The following TSPAN5 variants were observed in gnomAD, a reference collection of about 807,000 sequenced individuals.
TSPAN5 encodes the protein tetraspanin-5.
Under a neutral mutation model 37.1 loss-of-function variants are expected in TSPAN5, and 10 were observed. The ratio of observed to expected loss-of-function variants is 0.27; its 90% CI spans 0.17 to 0.46. The LOEUF is 0.46. TSPAN5 is among the 20% of genes least tolerant of loss of function. The pLI is 1.00. For synonymous variants in TSPAN5, 110 were observed against 118.9 expected (o/e 0.93, Z 0.48); for missense variants, 195 against 326.6 (o/e 0.60, Z 3.11).
intron 1 of TSPAN5, among the ~76,000 whole-genome samples, chr4:98,627,605 A>T (rs1756637355): frequency 6.6e-6 from 1 of 152,202 alleles, no homozygotes; most frequent in Non-Finnish European, 1.5e-5. Context: ...AGAGTCAGCC[A>T]AATACGGTCA....
chr4:98,475,897 G>A lies in TSPAN5; in HGVS notation c.741+292C>T, dbSNP rs574322597. ...CCCAGCTACTCGGGAGGCTGAGGCA[G>A]GAGAATGGCATGAACCCAAGAGGCG... On this transcript the variant is annotated intron_variant, in intron 7 of 7. Coordinates refer to ENST00000305798, the MANE Select transcript of TSPAN5 (RefSeq NM_005723.4). Among the ~76,000 whole-genome samples the A allele has an allele frequency of 2.6e-5, 4 of 152,120 alleles. No individual in the cohort carries two copies. In the South Asian group the frequency reaches 8.3e-4, roughly 32 times the overall value.
At chr4:98,577,557 A>G (rs1371382211) in intron 1 of TSPAN5, among the ~76,000 whole-genome samples, 1 of 152,198 alleles carries the variant, frequency 6.6e-6, no homozygotes, top group African/African-American at 2.4e-5. Context: ...GGGTCCGTTT[A>G]TTTTGGACCT....
At chr4:98,636,681 A>G (rs1756862622) in intron 1 of TSPAN5, among the ~76,000 whole-genome samples, 1 of 152,222 alleles carries the variant, frequency 6.6e-6, no homozygotes, top group Non-Finnish European at 1.5e-5. Context: ...AAGTCAAGTA[A>G]AACTGCTGGA....
chr4:98,520,596 A>T (rs1753832044), intron 1 of TSPAN5, among the ~76,000 whole-genome samples: 1 of 152,182 alleles, frequency 6.6e-6, no homozygotes, highest in Non-Finnish European at 1.5e-5. Context: ...CTGCAGAGTA[A>T]CTGTGTGTGA....
chr4:98,591,935 A>C (rs1267307557), intron 1 of TSPAN5, among the ~76,000 whole-genome samples: 3 of 151,506 alleles, frequency 2.0e-5, no homozygotes, highest in African/African-American at 7.3e-5. Flanking sequence ...ACAATGTTGA[A>C]GGACTTATAC....
At chr4:98,495,900 A>G (rs1205003277) in intron 2 of TSPAN5, among the ~76,000 whole-genome samples, 1 of 152,166 alleles carries the variant, frequency 6.6e-6, no homozygotes, top group Non-Finnish European at 1.5e-5. Context: ...CTGCTTTTGC[A>G]TATACAAGCA....
chr4:98,614,124 A>C (rs1022586354), intron 1 of TSPAN5, among the ~76,000 whole-genome samples: 9 of 152,186 alleles, frequency 5.9e-5, no homozygotes, highest in African/African-American at 1.9e-4. Flanking sequence ...TCAAAGCACA[A>C]ATGAGTTTTA....
Position 98,658,610 on chromosome 4 carries a change from T to C in TSPAN5, c.-384A>G, listed in dbSNP as rs545217970. ...AGATGCTGGTGGAGACGCCGCTCGCTTGCTCGCCCGCCCGTTCGCGCGCGC... is the reference window on the plus strand; with the variant it reads ...AGATGCTGGTGGAGACGCCGCTCGCCTGCTCGCCCGCCCGTTCGCGCGCGC... On this transcript the variant is annotated 5_prime_UTR_variant, in exon 1 of 8. Transcript: ENST00000305798. The C allele has an allele frequency of 6.6e-6, 1 of 151,894 alleles. No individual in the cohort carries two copies. Among genetic ancestry groups the C allele is most frequent in the South Asian group, 2.1e-4 (1 of 4,846 alleles). 9.4% of individuals were successfully genotyped at this position (151,894 alleles called of 1,614,324 possible). A position where few individuals can be genotyped will look rare whatever the true frequency, so the allele number is the denominator to read the frequency against.
intron 2 of TSPAN5, among the ~76,000 whole-genome samples, chr4:98,497,023 T>C (rs551308201): frequency 2.2e-4 from 34 of 152,094 alleles, no homozygotes; most frequent in South Asian, 2.1e-4. Context: ...ATGGGATTAG[T>C]GTCTTTATAA....
Position 98,486,848 on chromosome 4 carries a change from C to T in TSPAN5, c.169G>A (p.Gly57Ser), listed in dbSNP as rs1342349213. Residue 57 changes from glycine to serine, a missense_variant, in exon 3 of 8, where the codon GGC (glycine) becomes AGC (serine). Transcript: ENST00000305798. ...LSNISSITDL[G>S]GFDPVWLFLV... ...AAGAGCCAAACTGGGTCAAAGCCGCCGAGATCGGTGATGGAAGAGATGTTG... is the reference window on the plus strand; with the variant it reads ...AAGAGCCAAACTGGGTCAAAGCCGCTGAGATCGGTGATGGAAGAGATGTTG... 11 of 1,613,906 alleles carry T rather than the reference C, an allele frequency of 6.8e-6. No individual in the cohort carries two copies. The highest frequency in any genetic ancestry group is 1.3e-5 in the African/African-American group (1 of 74,868).
chr4:98,519,008 C>A (rs1219279332), intron 1 of TSPAN5, among the ~76,000 whole-genome samples: 2 of 152,154 alleles, frequency 1.3e-5, no homozygotes, highest in Non-Finnish European at 2.9e-5. Flanking sequence ...CTTTCCAGCA[C>A]AGTACAAAGA....
intron 1 of TSPAN5, among the ~76,000 whole-genome samples, chr4:98,622,486 C>T (rs1173191726): frequency 2.0e-5 from 3 of 152,186 alleles, no homozygotes; most frequent in Non-Finnish European, 2.9e-5. Flanking sequence ...TGGGGGTCCA[C>T]CAAAACACTT....
intron 1 of TSPAN5, among the ~76,000 whole-genome samples, chr4:98,539,933 C>G (rs1754321222): frequency 6.6e-6 from 1 of 152,156 alleles, no homozygotes; most frequent in African/African-American, 2.4e-5. Flanking sequence ...TGGGCAGCTC[C>G]ATGAGGCGGC....
At chr4:98,598,231 C>T (rs1235001064) in intron 1 of TSPAN5, among the ~76,000 whole-genome samples, 14 of 142,106 alleles carry the variant, frequency 9.9e-5, no homozygotes, top group African/African-American at 3.0e-4. Flanking sequence ...TTCTTTGACT[C>T]GGAAAGGGAA....
At chr4:98,510,567 T>G (rs893123630) in intron 1 of TSPAN5, among the ~76,000 whole-genome samples, 1 of 152,206 alleles carries the variant, frequency 6.6e-6, no homozygotes, top group Non-Finnish European at 1.5e-5. Flanking sequence ...CTTGGCACTT[T>G]GAGACAACTT....
intron 1 of TSPAN5, among the ~76,000 whole-genome samples, chr4:98,532,951 C>T (rs190175541): frequency 3.9e-5 from 6 of 152,024 alleles, no homozygotes; most frequent in African/African-American, 4.8e-5. Context: ...GATAATCATG[C>T]GGTTTTTGTC....
chr4:98,580,601 A>G (rs984051698), intron 1 of TSPAN5, among the ~76,000 whole-genome samples: 4 of 152,236 alleles, frequency 2.6e-5, no homozygotes, highest in African/African-American at 9.6e-5. Context: ...ATGGCCTTGA[A>G]GTCCAAGATG....
chr4:98,567,718 G>A (rs141884928), intron 1 of TSPAN5, among the ~76,000 whole-genome samples: 5 of 152,178 alleles, frequency 3.3e-5, no homozygotes, highest in Non-Finnish European at 7.3e-5. Context: ...GAGGAAACCT[G>A]AAAGGGGCCT....
intron 1 of TSPAN5, among the ~76,000 whole-genome samples, chr4:98,608,227 A>G (rs922703926): frequency 6.6e-6 from 1 of 152,204 alleles, no homozygotes; most frequent in East Asian, 1.9e-4. Context: ...AAAGATACTT[A>G]TGATAGGAAT....
Sources: allele counts gnomAD v4.1 joint callset (sites outside exome capture counted in the v4.1 genomes callset), GRCh38; gene constraint gnomAD v4.1.1; transcripts MANE v1.5; gene names NCBI Gene and HGNC (gene_info 2026-07-23, HGNC 2026-07-21).